Variants in CNTNAP5 observed in about 807,000 individuals in gnomAD.
CNTNAP5 encodes the protein contactin associated protein family member 5.
A neutral mutation model predicts 150.2 loss-of-function variants in CNTNAP5; 72 were observed. That is an observed-to-expected ratio of 0.48 (90% CI 0.40 to 0.58). The LOEUF (loss-of-function observed/expected upper bound fraction) is 0.58, where lower values mean the gene tolerates loss of function less well. Ranked by LOEUF, CNTNAP5 falls within the 20% of genes least tolerant of loss-of-function variation. The pLI is 0.00. For missense variants in CNTNAP5, 1,636 were observed against 1,626.2 expected, an observed-to-expected ratio of 1.01 and a Z score of -0.10; for synonymous variants, 672 against 619.8, an observed-to-expected ratio of 1.08 and a Z score of -1.25.
intron 7 of CNTNAP5, among the ~76,000 whole-genome samples, chr2:124,498,505 T>A (rs1694202834): frequency 6.6e-6 from 1 of 152,214 alleles, no homozygotes; most frequent in Admixed American, 6.5e-5. Flanking sequence ...TCTCATCATG[T>A]TGCCGAGGCA....
At chr2:124,196,801 C>G (rs780286106) in intron 1 of CNTNAP5, among the ~76,000 whole-genome samples, 14 of 152,192 alleles carry the variant, frequency 9.2e-5, no homozygotes, top group Non-Finnish European at 1.8e-4. Context: ...ATCCCTGTCT[C>G]AAAAGTCCCG....
intron 3 of CNTNAP5, among the ~76,000 whole-genome samples, chr2:124,312,383 T>C (rs1446820986): frequency 6.6e-6 from 1 of 152,142 alleles, no homozygotes; most frequent in Non-Finnish European, 1.5e-5. Context: ...AGTTTCACTC[T>C]TGTTGCCCAG....
In CNTNAP5 at chr2:124,556,081, A is replaced by C. The variant is rs192846653; in HGVS notation, c.1650-7136A>C. ...AAATATGCAAAGCCCCCTAACCCTC[A>C]CTTTGGCAGAAGTGATGCCTCAGAT... On this transcript the variant is annotated intron_variant, in intron 10 of 23. Transcript: ENST00000682447. Among the ~76,000 whole-genome samples, 25 of 152,284 alleles carry C rather than the reference A, an allele frequency of 1.6e-4. No homozygotes were observed. The East Asian group carries it at 4.8e-3, about 29-fold the overall frequency.
intron 13 of CNTNAP5, among the ~76,000 whole-genome samples, chr2:124,713,243 C>CTTCCTT (rs1280851827): frequency 2.5e-4 from 16 of 65,198 alleles, no homozygotes; most frequent in African/African-American, 9.2e-4. Flanking sequence ...TTCTTTCTTT[C>CTTCCTT]TCTTTCTTTC....
chr2:124,858,573 T>C (rs2104711928), intron 19 of CNTNAP5, among the ~76,000 whole-genome samples: 1 of 152,246 alleles, frequency 6.6e-6, no homozygotes, highest in East Asian at 1.9e-4. Context: ...AGAAGAATAT[T>C]CCATTCTCAT....
chr2:124,331,059 AC>A (rs1573920739), intron 3 of CNTNAP5, among the ~76,000 whole-genome samples: 1 of 152,226 alleles, frequency 6.6e-6, no homozygotes, highest in East Asian at 1.9e-4. Context: ...AGAAACTCAT[AC>A]TTGTCGGAGT....
At chr2:124,205,026 A>G (rs990843230) in intron 1 of CNTNAP5, among the ~76,000 whole-genome samples, 1 of 152,226 alleles carries the variant, frequency 6.6e-6, no homozygotes, top group East Asian at 1.9e-4. Flanking sequence ...TTTAATTTTC[A>G]AGAAAGTCAA....
At chr2:124,442,820 C>T (rs1438082178) in intron 5 of CNTNAP5, among the ~76,000 whole-genome samples, 1 of 151,908 alleles carries the variant, frequency 6.6e-6, no homozygotes, top group African/African-American at 2.4e-5. Context: ...GAAGAGAGTT[C>T]AAAGAAAAGG....
At chr2:124,625,798 G>C (rs1302120732) in intron 12 of CNTNAP5, among the ~76,000 whole-genome samples, 1 of 152,100 alleles carries the variant, frequency 6.6e-6, no homozygotes, top group Non-Finnish European at 1.5e-5. Context: ...GTAAGCTGCT[G>C]GTCCACACAC....
At chr2:124,182,620 C>A (rs1450484036) in intron 1 of CNTNAP5, among the ~76,000 whole-genome samples, 8 of 152,230 alleles carry the variant, frequency 5.3e-5, no homozygotes, top group African/African-American at 1.7e-4. Context: ...TCTTATGAGA[C>A]TGTATGTTTC....
At chr2:124,706,746 C>A (rs887561544) in intron 13 of CNTNAP5, among the ~76,000 whole-genome samples, 1 of 52,202 alleles carries the variant, frequency 1.9e-5, no homozygotes. Flanking sequence ...GACTCTGTTT[C>A]AAGAAGAAGA....
At chr2:124,565,884 C>T (rs924218562) in intron 11 of CNTNAP5, among the ~76,000 whole-genome samples, 3 of 151,942 alleles carry the variant, frequency 2.0e-5, no homozygotes, top group Non-Finnish European at 4.4e-5. Context: ...CAGGCGTGAG[C>T]CACCACGCCC....
intron 19 of CNTNAP5, among the ~76,000 whole-genome samples, chr2:124,817,435 A>C (rs314708): frequency 0.018 from 2,756 of 151,840 alleles, 76 homozygotes; most frequent in African/African-American, 0.061. Flanking sequence ...ACAACACACA[A>C]AAAAAAACAA....
At chr2:124,249,868 T>C (rs895161082) in intron 3 of CNTNAP5, among the ~76,000 whole-genome samples, 7 of 152,132 alleles carry the variant, frequency 4.6e-5, no homozygotes, top group African/African-American at 1.4e-4. Context: ...GTAAATATAG[T>C]CAATGATGCT....
intron 13 of CNTNAP5, among the ~76,000 whole-genome samples, chr2:124,660,576 T>C (rs994328714): frequency 4.6e-5 from 7 of 152,172 alleles, no homozygotes; most frequent in Non-Finnish European, 8.8e-5. Context: ...TAACATGTAA[T>C]TAGTAAAGAA....
chr2:124,669,438 T>C (rs1336498040), intron 13 of CNTNAP5, among the ~76,000 whole-genome samples: 1 of 152,260 alleles, frequency 6.6e-6, no homozygotes, highest in African/African-American at 2.4e-5. Flanking sequence ...ACTGTACTTC[T>C]GCTACCTTGT....
chr2:124,661,908 A>G (rs1678600380), intron 13 of CNTNAP5, among the ~76,000 whole-genome samples: 1 of 152,114 alleles, frequency 6.6e-6, no homozygotes, highest in Non-Finnish European at 1.5e-5. Context: ...TTACATGTGC[A>G]GAACATGCAG....
intron 21 of CNTNAP5, among the ~76,000 whole-genome samples, chr2:124,880,464 A>C (rs1235615272): frequency 6.6e-6 from 1 of 152,148 alleles, no homozygotes; most frequent in Non-Finnish European, 1.5e-5. Context: ...ATCATATATA[A>C]GACTTGAATA....
In CNTNAP5 at chr2:124,461,873, G is replaced by A. The variant is rs200783490; in HGVS notation, c.919-12866G>A. On this transcript the variant is annotated intron_variant, in intron 6 of 23. Transcript: ENST00000682447. ...GAGATTCCACCTCAAAAAAAAAAAAGAAAAAAAAAGTCGTTTTTTATCATT... is the reference window on the plus strand; with the variant it reads ...GAGATTCCACCTCAAAAAAAAAAAAAAAAAAAAAAGTCGTTTTTTATCATT... 1.2e-3 allele frequency among the ~76,000 whole-genome samples: 168 copies of A among 143,528 alleles called. 3 individuals are homozygous for A. Among genetic ancestry groups the A allele is most frequent in the Non-Finnish European group, 1.2e-3 (77 of 66,256 alleles). 94.2% of individuals were successfully genotyped at this position (143,528 alleles called of 152,430 possible). A position where few individuals can be genotyped will look rare whatever the true frequency, so the allele number is the denominator to read the frequency against.
Sources: gnomAD v4.1 joint callset for allele counts (sites outside exome capture counted in the v4.1 genomes callset) on GRCh38, gnomAD v4.1.1 for gene constraint, MANE v1.5 for transcripts, NCBI Gene and HGNC (gene_info 2026-07-23, HGNC 2026-07-21) for gene names.